Variants in UBE2G1 observed in about 807,000 individuals in gnomAD.
The protein encoded by UBE2G1 is ubiquitin conjugating enzyme E2 G1.
Under a neutral mutation model 22.7 loss-of-function variants are expected in UBE2G1, and 5 were observed. The observed-to-expected ratio is 0.22, with a 90% CI of 0.12 to 0.46. UBE2G1 has a LOEUF of 0.46. Among genes scored for constraint, UBE2G1 ranks in the 20% least tolerant of loss-of-function variants. UBE2G1 has a pLI of 0.99. For synonymous variants in UBE2G1, 74 were observed against 67.5 expected, an observed-to-expected ratio of 1.10 and a Z score of -0.47; for missense variants, 88 against 203.9, an observed-to-expected ratio of 0.43 and a Z score of 3.46.
chr17:4,307,548 C>T (rs1969261712), intron 1 of UBE2G1, among the ~76,000 whole-genome samples: 1 of 152,180 alleles, frequency 6.6e-6, no homozygotes, highest in African/African-American at 2.4e-5. Flanking sequence ...TTGGAATGTA[C>T]TGCGCTTAAT....
intron 1 of UBE2G1, among the ~76,000 whole-genome samples, chr17:4,350,829 G>A (rs180904821): frequency 0.018 from 2,790 of 151,900 alleles, 51 homozygotes; most frequent in South Asian, 0.036. Flanking sequence ...TCAGGAGGTC[G>A]AGACCATCCT....
At chr17:4,348,593 A>G (rs902601274) in intron 1 of UBE2G1, among the ~76,000 whole-genome samples, 4 of 142,898 alleles carry the variant, frequency 2.8e-5, no homozygotes, top group Non-Finnish European at 3.0e-5. Context: ...GCCGGGGGCA[A>G]TGGCTCATGC....
At chr17:4,358,302 G>A (rs1360426834) in intron 1 of UBE2G1, among the ~76,000 whole-genome samples, 2 of 151,956 alleles carry the variant, frequency 1.3e-5, no homozygotes, top group Admixed American at 6.6e-5. Context: ...TTGCTCTGTG[G>A]CCCAGGCTGG....
intron 1 of UBE2G1, among the ~76,000 whole-genome samples, chr17:4,333,383 A>G (rs762096294): frequency 4.1e-4 from 62 of 152,324 alleles, no homozygotes; most frequent in Non-Finnish European, 7.8e-4. Context: ...AAATATGTAA[A>G]ATGTAAAAGA....
In UBE2G1 at chr17:4,343,596, T is replaced by TTTTC. The variant is rs1491393547; in HGVS notation, c.46+22674_46+22675insGAAA. ...TATACTCTTCTTCAAACCTTTTTTC[T>TTTTC]TTTTTTTTTTGAGACGGAGTCTCGC... On this transcript the variant is annotated intron_variant, in intron 1 of 5. Transcript: ENST00000396981. 8.1e-4 allele frequency among the ~76,000 whole-genome samples: 41 copies of TTTTC among 50,428 alleles called. No homozygotes were observed. The African/African-American group carries it at 0.018, about 22-fold the overall frequency. 33.1% of individuals were successfully genotyped at this position (50,428 alleles called of 152,430 possible). A position where few individuals can be genotyped will look rare whatever the true frequency, so the allele number is the denominator to read the frequency against.
chr17:4,334,361 A>G (rs1422719904), intron 1 of UBE2G1, among the ~76,000 whole-genome samples: 1 of 152,212 alleles, frequency 6.6e-6, no homozygotes, highest in Non-Finnish European at 1.5e-5. Context: ...TACTGTGTAC[A>G]AAAGTTTATC....
intron 2 of UBE2G1, chr17:4,302,585 G>A (rs1435825854): frequency 2.6e-6 from 1 of 391,600 alleles, no homozygotes; most frequent in African/African-American, 2.1e-5. Context: ...CATTGCCTGT[G>A]ATTCTATGTG....
intron 2 of UBE2G1, among the ~76,000 whole-genome samples, chr17:4,297,464 T>C (rs79036609): frequency 0.025 from 3,774 of 152,232 alleles, 147 homozygotes; most frequent in African/African-American, 0.086. Context: ...CACCAACCAC[T>C]TGAAATATGC....
chr17:4,344,012 A>T (rs545012427), intron 1 of UBE2G1, among the ~76,000 whole-genome samples: 1 of 152,350 alleles, frequency 6.6e-6, no homozygotes, highest in Non-Finnish European at 1.5e-5. Flanking sequence ...AATGACTATT[A>T]GCCAAAAGAC....
At chr17:4,292,650 C>G (rs1969055895) in intron 3 of UBE2G1, among the ~76,000 whole-genome samples, 1 of 152,202 alleles carries the variant, frequency 6.6e-6, no homozygotes, top group Non-Finnish European at 1.5e-5. Flanking sequence ...ATTTTCCTCC[C>G]CTGGCATCTG....
chr17:4,285,620 A>C (rs912512255), intron 4 of UBE2G1, among the ~76,000 whole-genome samples: 4 of 152,168 alleles, frequency 2.6e-5, no homozygotes, highest in African/African-American at 9.6e-5. Context: ...AATCTGAGCA[A>C]ATCAACTAAG....
At chr17:4,324,136 T>G (rs1446515756) in intron 1 of UBE2G1, among the ~76,000 whole-genome samples, 1 of 152,184 alleles carries the variant, frequency 6.6e-6, no homozygotes, top group Non-Finnish European at 1.5e-5. Flanking sequence ...AGAATGTGTA[T>G]CTTCTTATTT....
intron 1 of UBE2G1, among the ~76,000 whole-genome samples, chr17:4,333,301 G>T (rs961544292): frequency 1.3e-5 from 2 of 152,166 alleles, no homozygotes; most frequent in African/African-American, 4.8e-5. Context: ...TAAAGAATGT[G>T]TGTATCTCAG....
chr17:4,280,641 T>G (rs1968877092), intron 5 of UBE2G1, among the ~76,000 whole-genome samples: 1 of 148,902 alleles, frequency 6.7e-6, no homozygotes, highest in Admixed American at 6.6e-5. Flanking sequence ...CGGCTGGGAA[T>G]CTTTTTTTTT....
chr17:4,353,087 G>A (rs777503477), intron 1 of UBE2G1, among the ~76,000 whole-genome samples: 4 of 152,008 alleles, frequency 2.6e-5, no homozygotes, highest in South Asian at 2.1e-4. Flanking sequence ...GTGTGGTGGC[G>A]GGCGCCTGTA....
At chr17:4,277,572 AC>A (rs1968835163) in intron 5 of UBE2G1, among the ~76,000 whole-genome samples, 2 of 152,314 alleles carry the variant, frequency 1.3e-5, no homozygotes, top group South Asian at 4.1e-4. Flanking sequence ...ATAAACACTA[AC>A]AAAATGTGAG....
chr17:4,345,255 C>G (rs889424205), intron 1 of UBE2G1, among the ~76,000 whole-genome samples: 3 of 152,194 alleles, frequency 2.0e-5, no homozygotes, highest in Non-Finnish European at 4.4e-5. Flanking sequence ...GTGTCAACAA[C>G]TTTTCTCTGC....
chr17:4,294,777 G>A (rs557722916), intron 3 of UBE2G1, among the ~76,000 whole-genome samples: 9 of 152,230 alleles, frequency 5.9e-5, no homozygotes, highest in African/African-American at 2.2e-4. Context: ...TTAGCTGGGT[G>A]TGGTGGCGTG....
At chr17:4,357,891 G>A (rs1034343728) in intron 1 of UBE2G1, among the ~76,000 whole-genome samples, 4 of 151,862 alleles carry the variant, frequency 2.6e-5, no homozygotes, top group African/African-American at 9.7e-5. Context: ...CTTGAGCCCA[G>A]GAGTTCAAAA....
Sources: gnomAD v4.1 joint callset for allele counts (sites outside exome capture counted in the v4.1 genomes callset) on GRCh38, gnomAD v4.1.1 for gene constraint, MANE v1.5 for transcripts, NCBI Gene and HGNC (gene_info 2026-07-23, HGNC 2026-07-21) for gene names.